The following FHIT variants were observed in gnomAD, a reference collection of about 807,000 sequenced individuals.
The protein encoded by FHIT is fragile histidine triad diadenosine triphosphatase.
FHIT carries 19 observed loss-of-function variants against 17.9 expected under a neutral mutation model. The ratio of observed to expected loss-of-function variants is 1.06; its 90% CI spans 0.74 to 1.56. The LOEUF (loss-of-function observed/expected upper bound fraction) is 1.56. FHIT is among the 40% of genes most tolerant of loss of function. The pLI is 0.00. For missense variants in FHIT, 248 were observed against 189.2 expected, an observed-to-expected ratio of 1.31 and a Z score of -1.82; for synonymous variants, 81 against 69.7, an observed-to-expected ratio of 1.16 and a Z score of -0.81.
intron 4 of FHIT, among the ~76,000 whole-genome samples, chr3:60,545,486 G>T (rs2036330506): frequency 6.6e-6 from 1 of 151,994 alleles, no homozygotes; most frequent in South Asian, 2.1e-4. Context: ...TTTTCTCTTG[G>T]GTAACAAAAG....
At chr3:60,533,488 G>A (rs974144298) in intron 5 of FHIT, among the ~76,000 whole-genome samples, 9 of 152,196 alleles carry the variant, frequency 5.9e-5, no homozygotes, top group African/African-American at 2.2e-4. Context: ...GGCAGACTGG[G>A]CTGTGTGTTT....
At chr3:60,495,512 T>C (rs2034264612) in intron 5 of FHIT, among the ~76,000 whole-genome samples, 1 of 152,072 alleles carries the variant, frequency 6.6e-6, no homozygotes. Context: ...GTGACAAATA[T>C]CCATTTAAAT....
intron 8 of FHIT, among the ~76,000 whole-genome samples, chr3:59,815,748 A>AG (rs1700576466): frequency 6.6e-6 from 1 of 152,048 alleles, no homozygotes; most frequent in Non-Finnish European, 1.5e-5. Context: ...AAAGAGTGGG[A>AG]GGGGGGTGAG....
chr3:60,338,117 T>C (rs1331440324), intron 5 of FHIT, among the ~76,000 whole-genome samples: 1 of 152,184 alleles, frequency 6.6e-6, no homozygotes, highest in Non-Finnish European at 1.5e-5. Context: ...ATGCGTTTTC[T>C]AGAGAATCTT....
At chr3:60,371,623 A>G (rs1295933169) in intron 5 of FHIT, among the ~76,000 whole-genome samples, 1 of 152,154 alleles carries the variant, frequency 6.6e-6, no homozygotes, top group African/African-American at 2.4e-5. Flanking sequence ...AACTTCTAAC[A>G]TTAGAGTTAT....
chr3:60,706,925 C>T (rs1354643780), intron 4 of FHIT, among the ~76,000 whole-genome samples: 5 of 152,118 alleles, frequency 3.3e-5, no homozygotes, highest in African/African-American at 1.2e-4. Context: ...TCATCTTGTC[C>T]GAGAATTAAT....
At chr3:60,491,001 T>C (rs2034040344) in intron 5 of FHIT, among the ~76,000 whole-genome samples, 1 of 152,146 alleles carries the variant, frequency 6.6e-6, no homozygotes, top group African/African-American at 2.4e-5. Context: ...TATGATATGC[T>C]GAGAAGCAAA....
chr3:60,078,457 G>A (rs1007231813), intron 5 of FHIT, among the ~76,000 whole-genome samples: 1 of 152,096 alleles, frequency 6.6e-6, no homozygotes, highest in African/African-American at 2.4e-5. Flanking sequence ...AATAGGCTGT[G>A]CTTTTCAAAA....
chr3:60,430,945 C>T (rs1040979651), intron 5 of FHIT, among the ~76,000 whole-genome samples: 2 of 152,040 alleles, frequency 1.3e-5, no homozygotes, highest in African/African-American at 4.8e-5. Context: ...GGTGCGGTGG[C>T]TCACACCTGC....
intron 3 of FHIT, among the ~76,000 whole-genome samples, chr3:60,833,139 G>A (rs1478826928): frequency 6.6e-6 from 1 of 152,158 alleles, no homozygotes; most frequent in Admixed American, 6.5e-5. Context: ...GTATGGGAAA[G>A]AGCAGAAGCC....
intron 4 of FHIT, among the ~76,000 whole-genome samples, chr3:60,586,021 C>A (rs1286952500): frequency 6.6e-6 from 1 of 151,870 alleles, no homozygotes; most frequent in African/African-American, 2.4e-5. Context: ...TGGAGAATCT[C>A]ATTGGACTAG....
At chr3:60,447,582 T>C (rs995467) in intron 5 of FHIT, among the ~76,000 whole-genome samples, 27,142 of 152,076 alleles carry the variant, frequency 0.18, 2,647 homozygotes, top group Admixed American at 0.29. Flanking sequence ...GTGTTATCAT[T>C]TGGAGTACTT....
At chr3:59,789,460 T>C (rs1042687338) in intron 8 of FHIT, among the ~76,000 whole-genome samples, 2 of 152,238 alleles carry the variant, frequency 1.3e-5, no homozygotes, top group African/African-American at 4.8e-5. Flanking sequence ...GTTGCTAAGA[T>C]TAATACTTTC....
At chr3:60,760,582 G>T (rs996757265) in intron 4 of FHIT, among the ~76,000 whole-genome samples, 1 of 152,040 alleles carries the variant, frequency 6.6e-6, no homozygotes, top group African/African-American at 2.4e-5. Flanking sequence ...CATTTTTCCT[G>T]CTCCCGTCAG....
Position 60,858,595 on chromosome 3 carries a change from C to T in FHIT, c.-110-36584G>A, listed in dbSNP as rs138026927. 2.4e-3 allele frequency among the ~76,000 whole-genome samples: 364 copies of T among 152,270 alleles called. 1 individual carries two copies. The highest frequency in any genetic ancestry group is 8.4e-3 in the African/African-American group (349 of 41,560). ...TTCTTTCTTCTACCTTGCTCCATGA[C>T]AATCAAACCCAAAATGCCTTCCACC... On this transcript the variant is annotated intron_variant, in intron 3 of 9. Coordinates refer to ENST00000492590, the MANE Select transcript of FHIT (RefSeq NM_002012.4).
intron 5 of FHIT, among the ~76,000 whole-genome samples, chr3:60,244,634 C>T (rs1234012134): frequency 2.0e-5 from 3 of 151,900 alleles, no homozygotes; most frequent in African/African-American, 7.2e-5. Context: ...TGAATTGGGG[C>T]CTCAATGAGA....
chr3:60,220,842 A>T (rs2107532906), intron 5 of FHIT, among the ~76,000 whole-genome samples: 1 of 152,350 alleles, frequency 6.6e-6, no homozygotes, highest in South Asian at 2.1e-4. Flanking sequence ...GTATTAGAAA[A>T]GAAAAGCCAC....
At chr3:60,439,357 T>C (rs186297495) in intron 5 of FHIT, among the ~76,000 whole-genome samples, 78 of 152,236 alleles carry the variant, frequency 5.1e-4, no homozygotes, top group Non-Finnish European at 9.9e-4. Flanking sequence ...AGCCAAGAGT[T>C]TCAATCAACT....
chr3:61,143,694 C>G (rs34356910), intron 2 of FHIT, among the ~76,000 whole-genome samples: 1 of 152,116 alleles, frequency 6.6e-6, no homozygotes, highest in Non-Finnish European at 1.5e-5. Flanking sequence ...GGTGAAACCC[C>G]ATCTCTACTA....
Sources: gnomAD v4.1 joint callset for allele counts (sites outside exome capture counted in the v4.1 genomes callset) on GRCh38, gnomAD v4.1.1 for gene constraint, MANE v1.5 for transcripts, NCBI Gene and HGNC (gene_info 2026-07-23, HGNC 2026-07-21) for gene names.